SDAD1: variants seen among roughly 807,000 people sequenced by gnomAD.
SDAD1 encodes the protein protein SDA1 homolog.
In SDAD1, 79 loss-of-function variants were observed where a neutral mutation model predicts 100.3. That is an observed-to-expected ratio of 0.79 (90% CI 0.66 to 0.95). The LOEUF is 0.95. SDAD1 is among the 40% of genes least tolerant of loss of function. The pLI is 0.00. For missense variants in SDAD1, 790 were observed against 810.9 expected (o/e 0.97, Z 0.31); for synonymous variants, 267 against 271.4 (o/e 0.98, Z 0.16).
chr4:75,950,807 A>G lies in SDAD1; in HGVS notation c.2017-10T>C, dbSNP rs766497318. 3 of 1,572,950 alleles carry G rather than the reference A, an allele frequency of 1.9e-6. No homozygotes were observed. The highest frequency in any genetic ancestry group is 1.7e-6 in the Non-Finnish European group (2 of 1,148,200). On this transcript the variant is annotated splice_polypyrimidine_tract_variant and intron_variant, in intron 21 of 21. Transcript: ENST00000356260. ...CATCTCGTAGTGCCAACTGTAAGATAAAAAAGTATTGAAACATGATAACTC... is the reference window on the plus strand; with the variant it reads ...CATCTCGTAGTGCCAACTGTAAGATGAAAAAGTATTGAAACATGATAACTC...
At chr4:75,974,785 T>C (rs1479378661) in intron 6 of SDAD1, among the ~76,000 whole-genome samples, 1 of 152,084 alleles carries the variant, frequency 6.6e-6, no homozygotes, top group African/African-American at 2.4e-5. Context: ...CTCACGCCTG[T>C]AATCCCAGCA....
chr4:75,969,190 T>C (rs1317843299), intron 11 of SDAD1, 106 bp downstream of exon 11: 2 of 670,858 alleles, frequency 3.0e-6, no homozygotes, highest in Admixed American at 5.8e-5. Context: ...TGTGTTTAAA[T>C]GTATGAGGGA....
chr4:75,951,863 T>C (rs1387956211), intron 21 of SDAD1, among the ~76,000 whole-genome samples: 1 of 152,256 alleles, frequency 6.6e-6, no homozygotes, highest in Non-Finnish European at 1.5e-5. Context: ...CTATTCTTTG[T>C]CCTAGAAACT....
At position 75,982,051 on chromosome 4, in the gene SDAD1, A is replaced by G. The variant is rs1730556830; in HGVS notation, c.91-14T>C. 1 of 1,537,100 alleles carries G rather than the reference A, an allele frequency of 6.5e-7. No homozygotes were observed. The highest frequency in any genetic ancestry group is 1.8e-5 in the Admixed American group (1 of 55,986). ...CTGCTGTAGAAACTGCAGAAAAATA[A>G]AATTTAAGTTTGTCACATTGTATTA... On this transcript the variant is annotated splice_polypyrimidine_tract_variant and intron_variant, in intron 1 of 21. Transcript: ENST00000356260.
chr4:75,976,075 T>C (rs948181361), intron 4 of SDAD1, 80 bp from the exon 5 acceptor site: 2 of 799,420 alleles, frequency 2.5e-6, no homozygotes, highest in Non-Finnish European at 4.0e-6. Flanking sequence ...ACAGTATGAA[T>C]GTACAGGATG....
chr4:75,957,578 G>C lies in SDAD1; in HGVS notation c.1709C>G (p.Ala570Gly). 20 of 1,614,180 alleles carry C rather than the reference G, an allele frequency of 1.2e-5. No homozygotes were observed. Among genetic ancestry groups the C allele is most frequent in the Non-Finnish European group, 1.6e-5 (19 of 1,180,022 alleles). ...CCTCTTCTGGGATTTCCCGGGGGCA[G>C]CATCAAGTTCTTTTCTCATTTGGGC... ...RMAQMRKELD[A>G]APGKSQKRKY... The change falls in exon 19 of 22, where the codon GCT becomes GGT. Residue 570 changes from alanine to glycine, a missense_variant. Coordinates refer to ENST00000356260, the MANE Select transcript of SDAD1 (RefSeq NM_018115.4).
rs140056322 is a variant in SDAD1 at position 75,955,209 on chromosome 4, T to A, written c.2016+766A>T. Among the ~76,000 whole-genome samples the A allele has an allele frequency of 3.3e-3, 499 of 152,286 alleles. 6 individuals are homozygous for A. Among genetic ancestry groups the A allele is most frequent in the East Asian group, 0.025 (128 of 5,180 alleles). ...AATGTTATGTTAAAGAATTACTTCA[T>A]CCCCATGTGACCATCTCACCTCATA... is the stretch of plus-strand genomic sequence containing the variant. On this transcript the variant is annotated intron_variant, in intron 21 of 21. Coordinates refer to ENST00000356260, the MANE Select transcript of SDAD1 (RefSeq NM_018115.4).
intron 17 of SDAD1, among the ~76,000 whole-genome samples, 174 bp downstream of exon 17, chr4:75,959,892 C>T (rs1259464421): frequency 4.6e-5 from 7 of 152,152 alleles, no homozygotes; most frequent in Non-Finnish European, 8.8e-5. Context: ...ACATAAGTTC[C>T]GCAAGAGGAG....
intron 10 of SDAD1, among the ~76,000 whole-genome samples, chr4:75,969,697 T>G (rs1025398883): frequency 1.3e-5 from 2 of 152,118 alleles, no homozygotes; most frequent in Non-Finnish European, 2.9e-5. Context: ...GGAGGCTCAT[T>G]GGAAATGCAG....
rs1005581888 is a variant in SDAD1 at position 75,950,490 on chromosome 4, T to C, written c.*260A>G. 2 of 382,378 alleles carry C rather than the reference T, an allele frequency of 5.2e-6. No individual in the cohort carries two copies. The highest frequency in any genetic ancestry group is 5.0e-5 in the South Asian group (1 of 19,856). 23.7% of individuals were successfully genotyped at this position (382,378 alleles called of 1,614,324 possible). On this transcript the variant is annotated 3_prime_UTR_variant, in exon 22 of 22. Coordinates refer to ENST00000356260, the MANE Select transcript of SDAD1 (RefSeq NM_018115.4). ...ATTCGTTTTGCATCTACAGTGACAA[T>C]GAATAGGCACTCAATACATACTTTT...
At chr4:75,982,743 A>G (rs1730611028) in intron 1 of SDAD1, among the ~76,000 whole-genome samples, 1 of 152,154 alleles carries the variant, frequency 6.6e-6, no homozygotes, top group Non-Finnish European at 1.5e-5. Context: ...AATATAAATT[A>G]TATCTCAAGT....
chr4:75,965,973 C>T, intron 12 of SDAD1, 151 bp from the exon 13 acceptor site: 1 of 626,282 alleles, frequency 1.6e-6, no homozygotes, highest in Non-Finnish European at 2.8e-6. Flanking sequence ...CTTGGCTTAC[C>T]CCCTCACTTT....
chr4:75,982,786 C>G (rs1179607835), intron 1 of SDAD1, among the ~76,000 whole-genome samples: 1 of 151,864 alleles, frequency 6.6e-6, no homozygotes, highest in East Asian at 1.9e-4. Context: ...TCCCACCCCC[C>G]CACTGCCACC....
chr4:75,967,901 C>A lies in SDAD1; in HGVS notation c.988-567G>T, dbSNP rs57220676. Among the ~76,000 whole-genome samples, 253 of 152,202 alleles carry A rather than the reference C, an allele frequency of 1.7e-3. 1 individual carries two copies. Among genetic ancestry groups the A allele is most frequent in the African/African-American group, 5.6e-3 (234 of 41,544 alleles). On this transcript the variant is annotated intron_variant, in intron 11 of 21. Coordinates refer to ENST00000356260, the MANE Select transcript of SDAD1 (RefSeq NM_018115.4). Reference sequence around the variant, plus strand: ...GTTAACACTCTGAAGTCCACCTAAACAAAGGTGACCAGGGTTATTAAGGAA... The same window carrying A: ...GTTAACACTCTGAAGTCCACCTAAAAAAAGGTGACCAGGGTTATTAAGGAA...
chr4:75,964,691 G>T (rs1462423456), intron 13 of SDAD1, among the ~76,000 whole-genome samples: 1 of 152,192 alleles, frequency 6.6e-6, no homozygotes, highest in South Asian at 2.1e-4. Flanking sequence ...CCGAATGGAG[G>T]AACCAGCTGA....
At chr4:75,969,217 C>T (rs759559140) in intron 11 of SDAD1, 79 bp downstream of exon 11, 12 of 1,046,212 alleles carry the variant, frequency 1.1e-5, no homozygotes, top group Non-Finnish European at 1.7e-5. Context: ...TAAGCCACTG[C>T]TCTACCTAAT....
chr4:75,972,725 A>G (rs1418035558), intron 8 of SDAD1, among the ~76,000 whole-genome samples: 1 of 151,146 alleles, frequency 6.6e-6, no homozygotes, highest in South Asian at 2.1e-4. Context: ...TTTTCCTCAA[A>G]AACATGCTGG....
At chr4:75,954,934 T>C (rs1728809085) in intron 21 of SDAD1, among the ~76,000 whole-genome samples, 1 of 152,156 alleles carries the variant, frequency 6.6e-6, no homozygotes. Context: ...CCACGGCTCT[T>C]GTAGGTCTCT....
Position 75,957,619 on chromosome 4 carries a change from G to T in SDAD1, c.1668C>A (p.Phe556Leu). Residue 556 changes from phenylalanine to leucine, a missense_variant, in exon 19 of 22, where the codon TTC becomes TTA. Transcript: ENST00000356260. The stretch of plus-strand genomic sequence containing the variant: ...TCATTTGGGCCATGCGGATTTTCTG[G>T]AAGTCTTCCTGAGTTAAAACTCGGC... ...STSRVLTQED[F>L]QKIRMAQMRK... is the part of the protein sequence containing the mutation. 6.2e-7 allele frequency: 1 copy of T among 1,614,166 alleles called. No individual in the cohort carries two copies. The highest frequency in any genetic ancestry group is 8.5e-7 in the Non-Finnish European group (1 of 1,180,040).
Sources: allele counts gnomAD v4.1 joint callset (sites outside exome capture counted in the v4.1 genomes callset), GRCh38; gene constraint gnomAD v4.1.1; transcripts MANE v1.5; gene names NCBI Gene and HGNC (gene_info 2026-07-23, HGNC 2026-07-21).